The following ABL1 variants were observed in gnomAD, a reference collection of about 807,000 sequenced individuals.
ABL1 encodes tyrosine-protein kinase ABL1.
A neutral mutation model predicts 94.7 loss-of-function variants in ABL1; 11 were observed. The ratio of observed to expected loss-of-function variants is 0.12; its 90% confidence interval spans 0.07 to 0.19. The LOEUF is 0.19. ABL1 is among the 10% of genes least tolerant of loss of function. ABL1 has a pLI of 1.00. For missense variants in ABL1, 1,082 were observed against 1,489.4 expected (o/e 0.73, Z 4.50); for synonymous variants, 656 against 622.4 (o/e 1.05, Z -0.80).
chr9:130,750,418 TCCCTCCCTCCCTCCCTCCCTC>T (rs1831946883), intron 1 of ABL1, among the ~76,000 whole-genome samples: 6 of 62,644 alleles, frequency 9.6e-5, no homozygotes, highest in African/African-American at 2.1e-4. Flanking sequence ...CCTCCCTCCC[TCCCTCCCTCCCTCCCTCCCTC>T]CCTCCCTCCT....
chr9:130,859,805 C>G (rs1831039528), intron 3 of ABL1, among the ~76,000 whole-genome samples: 1 of 146,340 alleles, frequency 6.8e-6, no homozygotes, highest in South Asian at 2.3e-4. Context: ...ATCAGCCTCT[C>G]AAGTAGCTGA....
intron 1 of ABL1, among the ~76,000 whole-genome samples, chr9:130,763,339 T>C (rs1240657984): frequency 1.1e-5 from 1 of 93,062 alleles, no homozygotes; most frequent in Non-Finnish European, 2.7e-5. Flanking sequence ...TTTCATTTAA[T>C]TAATTCCATT....
At chr9:130,833,235 G>A (rs925520798), upstream of ABL1, among the ~76,000 whole-genome samples, 7 of 152,154 alleles carry the variant, frequency 4.6e-5, no homozygotes, top group African/African-American at 9.7e-5. Context: ...GCATTAAGCC[G>A]CCAATTTGAA....
At chr9:130,743,596 G>A (rs942590679) in intron 1 of ABL1, among the ~76,000 whole-genome samples, 2 of 152,204 alleles carry the variant, frequency 1.3e-5, no homozygotes, top group Non-Finnish European at 2.9e-5. Flanking sequence ...ACATGAAATA[G>A]CAGAAGTATT....
chr9:130,885,883 T>G lies in ABL1; in HGVS notation c.*200T>G, dbSNP rs1177227921. The G allele has an allele frequency of 1.6e-6, 1 of 637,410 alleles. No homozygotes were observed. Among genetic ancestry groups the G allele is most frequent in the African/African-American group, 1.8e-5 (1 of 54,416 alleles). The allele number at this position is 637,410 out of a possible 1,614,324, so 39.5% of individuals were successfully genotyped here. The stretch of plus-strand genomic sequence containing the variant: ...CACCGCCTGCCCTCCCGCACCTTCC[T>G]CCTCCCCGCTCCGTCTCTGTCCTCG... On this transcript the variant is annotated 3_prime_UTR_variant, in exon 11 of 11. Coordinates refer to ENST00000318560, the MANE Select transcript of ABL1 (RefSeq NM_005157.6).
chr9:130,865,691 A>C (rs1304361481), intron 4 of ABL1, among the ~76,000 whole-genome samples: 1 of 145,456 alleles, frequency 6.9e-6, no homozygotes, highest in East Asian at 2.0e-4. Flanking sequence ...GGCTGCAGTG[A>C]GCCGTAATCG....
intron 1 of ABL1, among the ~76,000 whole-genome samples, chr9:130,714,680 C>G (rs539483993): frequency 1.3e-5 from 2 of 152,150 alleles, no homozygotes; most frequent in African/African-American, 4.8e-5. Context: ...TTGCCTGATT[C>G]CTCTGCTAAT....
At chr9:130,853,002 C>A (rs1830899101) in intron 1 of ABL1, among the ~76,000 whole-genome samples, 1 of 151,978 alleles carries the variant, frequency 6.6e-6, no homozygotes, top group African/African-American at 2.4e-5. Flanking sequence ...GAAGAACAGG[C>A]AGTGAAGGTG....
At chr9:130,806,503 T>C (rs1037271062) in intron 1 of ABL1, among the ~76,000 whole-genome samples, 7 of 152,188 alleles carry the variant, frequency 4.6e-5, no homozygotes, top group African/African-American at 1.4e-4. Flanking sequence ...TTAAAAAAAA[T>C]TGCATTCACA....
intron 1 of ABL1, among the ~76,000 whole-genome samples, chr9:130,735,955 A>ATT (rs1365601952): frequency 2.4e-5 from 1 of 41,498 alleles, no homozygotes; most frequent in African/African-American, 1.5e-4. Flanking sequence ...ATATATATAT[A>ATT]TATATATTTT....
intron 1 of ABL1, among the ~76,000 whole-genome samples, chr9:130,727,019 ATCT>A (rs1478176497): frequency 1.3e-5 from 2 of 152,244 alleles, no homozygotes; most frequent in African/African-American, 2.4e-5. Context: ...GTCAGAGAAC[ATCT>A]TCTGTAGAAT....
At chr9:130,802,095 C>CTTTTT (rs3085157) in intron 1 of ABL1, among the ~76,000 whole-genome samples, 11,032 of 131,752 alleles carry the variant, frequency 0.084, 660 homozygotes, top group African/African-American at 0.11. Context: ...TTCCTTCAGT[C>CTTTTT]TTTTTTTTTT....
rs1160660119 is a variant in ABL1 at position 130,878,502 on chromosome 9, A to G, written c.1358A>G (p.Glu453Gly). The G allele has an allele frequency of 6.2e-7, 1 of 1,614,110 alleles. No individual in the cohort carries two copies. Among genetic ancestry groups the G allele is most frequent in the Non-Finnish European group, 8.5e-7 (1 of 1,180,040 alleles). The change falls in exon 8 of 11, where the codon GAG (glutamate) becomes GGG (glycine). Residue 453 changes from glutamate (E) to glycine (G), a missense_variant. Physicochemically the swap from Glu to Gly is moderately conservative, Grantham distance 98. Around this residue, in one of 7 missense-constraint regions of ABL1, gnomAD observed 76 missense variants for 177.1 expected, o/e 0.43. Coordinates refer to ENST00000318560, the MANE Select transcript of ABL1 (RefSeq NM_005157.6). ...CTGTCCCAGGTGTATGAGCTGCTAG[A>G]GAAGGACTACCGCATGGAGCGCCCA... ...IDLSQVYELL[E>G]KDYRMERPEG...
intron 1 of ABL1, among the ~76,000 whole-genome samples, chr9:130,792,469 T>C (rs892935922): frequency 6.6e-6 from 1 of 151,980 alleles, no homozygotes; most frequent in African/African-American, 2.4e-5. Flanking sequence ...TCCCTACCCC[T>C]AGTGGTCCTA....
chr9:130,879,198 C>T (rs1030926408), intron 8 of ABL1, among the ~76,000 whole-genome samples: 5 of 152,164 alleles, frequency 3.3e-5, no homozygotes, highest in South Asian at 2.1e-4. Context: ...TTTATCTGGT[C>T]GTTTTATACT....
At chr9:130,821,913 C>T in intron 1 of ABL1, among the ~76,000 whole-genome samples, 1 of 151,206 alleles carries the variant, frequency 6.6e-6, no homozygotes, top group East Asian at 1.9e-4. Context: ...GATCTCAGCT[C>T]ACTGCAAGCT....
At chr9:130,864,599 C>T (rs920800643) in intron 4 of ABL1, among the ~76,000 whole-genome samples, 3 of 152,160 alleles carry the variant, frequency 2.0e-5, no homozygotes, top group Admixed American at 6.5e-5. Flanking sequence ...TTCTATTTGA[C>T]GGTTCCTGGG....
intron 1 of ABL1, among the ~76,000 whole-genome samples, chr9:130,733,275 G>A (rs1031511966): frequency 6.6e-6 from 1 of 152,152 alleles, no homozygotes; most frequent in African/African-American, 2.4e-5. Context: ...CAAGAGTTTA[G>A]TCAAAACAAA....
intron 1 of ABL1, among the ~76,000 whole-genome samples, chr9:130,809,750 T>G (rs967282412): frequency 6.6e-6 from 1 of 152,226 alleles, no homozygotes; most frequent in African/African-American, 2.4e-5. Context: ...CTCACCCACA[T>G]TAGGGAGGCC....
Sources: allele counts gnomAD v4.1 joint callset (sites outside exome capture counted in the v4.1 genomes callset), GRCh38; gene constraint gnomAD v4.1.1; regional missense constraint gnomAD v4.1.1; transcripts MANE v1.5; gene names NCBI Gene and HGNC (gene_info 2026-07-23, HGNC 2026-07-21).